SLIT1: variants seen among roughly 807,000 people sequenced by gnomAD.
SLIT1 encodes slit guidance ligand 1.
A neutral mutation model predicts 186.1 loss-of-function variants in SLIT1; 66 were observed. The observed-to-expected ratio is 0.35, with a 90% CI of 0.29 to 0.44. The LOEUF (loss-of-function observed/expected upper bound fraction) is 0.44, where lower values mean the gene tolerates loss of function less well. SLIT1 is among the 20% of genes least tolerant of loss of function. The pLI, the probability that SLIT1 is intolerant of heterozygous loss-of-function variation, is 1.00. For synonymous variants in SLIT1, 761 were observed against 833.8 expected (o/e 0.91, Z 1.50); for missense variants, 1,638 against 2,037.4 (o/e 0.80, Z 3.77).
intron 25 of SLIT1, among the ~76,000 whole-genome samples, chr10:97,027,603 C>T (rs1848557114): frequency 6.6e-6 from 1 of 152,216 alleles, no homozygotes; most frequent in Admixed American, 6.5e-5. Context: ...GTACTGCTAA[C>T]CTGATCTTTA....
chr10:97,001,368 C>G lies in SLIT1; in HGVS notation c.4367-18G>C. 2 of 1,597,018 alleles carry G rather than the reference C, an allele frequency of 1.3e-6. No individual in the cohort carries two copies. The highest frequency in any genetic ancestry group is 1.3e-5 in the African/African-American group (1 of 74,664). On this transcript the variant is annotated intron_variant, in intron 36 of 36. Transcript: ENST00000266058. ...CTCGGACTCTGGATGGGACAGACACCAAGAGAAAGCCTCAGGGCACACCCA... is the reference window on the plus strand; with the variant it reads ...CTCGGACTCTGGATGGGACAGACACGAAGAGAAAGCCTCAGGGCACACCCA...
At chr10:97,039,965 G>A in intron 21 of SLIT1, 23 bp downstream of exon 21, 1 of 1,612,600 alleles carries the variant, frequency 6.2e-7, no homozygotes, top group East Asian at 2.2e-5. Context: ...CACGTGAAGG[G>A]GGCAAGGCCT....
chr10:97,028,919 G>A (rs1780940988), intron 25 of SLIT1, among the ~76,000 whole-genome samples: 1 of 152,164 alleles, frequency 6.6e-6, no homozygotes, highest in Non-Finnish European at 1.5e-5. Context: ...TACCACCTGA[G>A]GCAGAGCCCC....
chr10:97,066,243 GGCCA>G (rs1184898372), intron 4 of SLIT1, among the ~76,000 whole-genome samples, 157 bp from the exon 5 acceptor site: 1 of 152,158 alleles, frequency 6.6e-6, no homozygotes, highest in African/African-American at 2.4e-5. Flanking sequence ...GGCCCACAGT[GGCCA>G]CTCAGCAAGC....
chr10:97,134,182 G>A (rs1272249507), intron 4 of SLIT1, among the ~76,000 whole-genome samples: 1 of 152,076 alleles, frequency 6.6e-6, no homozygotes, highest in Non-Finnish European at 1.5e-5. Context: ...TCTGCTCTGG[G>A]TGGGAGATCA....
chr10:97,033,735 T>C (rs955849709), intron 23 of SLIT1, among the ~76,000 whole-genome samples: 1 of 152,166 alleles, frequency 6.6e-6, no homozygotes, highest in East Asian at 1.9e-4. Context: ...AATGCTTATG[T>C]AGATGGTAAT....
Position 97,056,227 on chromosome 10 carries a change from C to T in SLIT1, c.1301+94G>A, listed in dbSNP as rs540878324. 280 of 1,417,806 alleles carry T rather than the reference C, an allele frequency of 2.0e-4. 2 individuals carry two copies. In the East Asian group the frequency reaches 6.4e-3, roughly 32 times the overall value. The allele number at this position is 1,417,806 out of a possible 1,614,324, so 87.8% of individuals were successfully genotyped here. A position where few individuals can be genotyped will look rare whatever the true frequency, so the allele number is the denominator to read the frequency against. On this transcript the variant is annotated intron_variant, in intron 13 of 36. Coordinates refer to ENST00000266058, the MANE Select transcript of SLIT1 (RefSeq NM_003061.3). ...AGGCCACCCCCAGTGAGCACAGCAGCCCAGAGCCGGAGAGCTGCCTGTCCC... is the reference window on the plus strand; with the variant it reads ...AGGCCACCCCCAGTGAGCACAGCAGTCCAGAGCCGGAGAGCTGCCTGTCCC...
chr10:97,099,453 G>A (rs1589392842), intron 4 of SLIT1, among the ~76,000 whole-genome samples: 2 of 152,066 alleles, frequency 1.3e-5, no homozygotes, highest in Non-Finnish European at 2.9e-5. Flanking sequence ...ACTCCAGGTT[G>A]GGGGGGTGGG....
chr10:97,151,850 T>C (rs1849884155), intron 4 of SLIT1, among the ~76,000 whole-genome samples: 2 of 152,140 alleles, frequency 1.3e-5, no homozygotes, highest in Admixed American at 6.5e-5. Context: ...CTATGATGAT[T>C]GCAGTCCCTG....
intron 4 of SLIT1, among the ~76,000 whole-genome samples, chr10:97,075,452 G>A (rs754481984): frequency 2.6e-5 from 4 of 152,218 alleles, no homozygotes; most frequent in Admixed American, 6.5e-5. Flanking sequence ...AGGAGGCTGA[G>A]GCTCAAGGCC....
At chr10:97,153,579 G>A (rs185871353) in intron 4 of SLIT1, 2 of 152,336 alleles carry the variant, frequency 1.3e-5, no homozygotes, top group East Asian at 3.9e-4. Context: ...TCCTGAGATA[G>A]TGTGGGCACC....
At chr10:97,163,047 A>G (rs1162593011) in intron 3 of SLIT1, among the ~76,000 whole-genome samples, 1 of 152,224 alleles carries the variant, frequency 6.6e-6, no homozygotes, top group Non-Finnish European at 1.5e-5. Context: ...AAATCAATGG[A>G]CAGCGGTTAT....
intron 11 of SLIT1, among the ~76,000 whole-genome samples, chr10:97,058,752 T>C (rs1848864258): frequency 6.6e-6 from 1 of 152,126 alleles, no homozygotes; most frequent in South Asian, 2.1e-4. Context: ...GTGAAAACAC[T>C]CATCCCCTAG....
At chr10:97,138,868 G>T (rs1181333180) in intron 4 of SLIT1, among the ~76,000 whole-genome samples, 1 of 152,174 alleles carries the variant, frequency 6.6e-6, no homozygotes. Context: ...TTTCATGGAT[G>T]GGAACCAGGA....
Position 97,185,626 on chromosome 10 carries a change from C to T in SLIT1, c.49G>A (p.Glu17Lys). 6.5e-7 allele frequency: 1 copy of T among 1,546,294 alleles called. No homozygotes were observed. Among genetic ancestry groups the T allele is most frequent in the Non-Finnish European group, 8.7e-7 (1 of 1,147,372 alleles). ...GCTGCCCACAGCAGCAGCCAGAGCTCCGGCCGGACCGGCCCCGCCGAGGAC... is the reference window on the plus strand; with the variant it reads ...GCTGCCCACAGCAGCAGCCAGAGCTTCGGCCGGACCGGCCCCGCCGAGGAC... Reference protein sequence around the residue: ...WGSSAGPVRPELWLLLWAAAW... With the variant: ...WGSSAGPVRPKLWLLLWAAAW... Residue 17 changes from glutamate to lysine, a missense_variant, in exon 1 of 37, where the codon GAG becomes AAG. This residue lies in a region of SLIT1 where 1,245 missense variants were observed against 1,535.3 expected (regional missense o/e 0.81). Transcript: ENST00000266058.
chr10:97,001,347 G>T lies in SLIT1; in HGVS notation c.4370C>A (p.Ser1457Tyr). The T allele has an allele frequency of 6.2e-7, 1 of 1,611,456 alleles. No individual in the cohort carries two copies. Among genetic ancestry groups the T allele is most frequent in the Non-Finnish European group, 8.5e-7 (1 of 1,178,772 alleles). ...CCGGACAGGGTCCCCCCGGCACTCG[G>T]ACTCTGGATGGGACAGACACCAAGA... ...GFSGELCEQESECRGDPVRDF... is the reference protein window; with the variant it reads ...GFSGELCEQEYECRGDPVRDF... Residue 1457 changes from serine to tyrosine, a missense_variant, in exon 37 of 37, where the codon TCC becomes TAC. Around this residue, in one of 3 missense-constraint regions of SLIT1, gnomAD observed 220 missense variants for 211.3 expected, o/e 1.04. Transcript: ENST00000266058.
At chr10:97,048,562 C>T (rs1158542145) in intron 14 of SLIT1, among the ~76,000 whole-genome samples, 1 of 152,154 alleles carries the variant, frequency 6.6e-6, no homozygotes. Flanking sequence ...CCCTAGGCCT[C>T]AATAAAATGA....
chr10:97,120,880 A>G (rs1237160131), intron 4 of SLIT1, among the ~76,000 whole-genome samples: 1 of 152,178 alleles, frequency 6.6e-6, no homozygotes, highest in East Asian at 1.9e-4. Flanking sequence ...AGCCGATCCA[A>G]ATAAAATGCT....
At chr10:97,150,177 C>A (rs1053254263) in intron 4 of SLIT1, among the ~76,000 whole-genome samples, 3 of 152,150 alleles carry the variant, frequency 2.0e-5, no homozygotes, top group African/African-American at 7.2e-5. Context: ...GCCCCGTTCT[C>A]GTGTGCTGGT....
Sources: allele counts gnomAD v4.1 joint callset (sites outside exome capture counted in the v4.1 genomes callset), GRCh38; gene constraint gnomAD v4.1.1; regional missense constraint gnomAD v4.1.1; transcripts MANE v1.5; gene names NCBI Gene and HGNC (gene_info 2026-07-23, HGNC 2026-07-21).